Variants in GFOD1 observed in about 807,000 individuals in gnomAD.
GFOD1 encodes Gfo/Idh/MocA-like oxidoreductase domain containing 1.
In GFOD1, 9 loss-of-function variants were observed where a neutral mutation model predicts 25.4. That is an observed-to-expected ratio of 0.35 (90% CI 0.21 to 0.62). The LOEUF is 0.62. Ranked by LOEUF, GFOD1 falls within the 20% of genes least tolerant of loss-of-function variation. The pLI is 0.72. For synonymous variants in GFOD1, 253 were observed against 245.6 expected (o/e 1.03, Z -0.28); for missense variants, 403 against 556.9 (o/e 0.72, Z 2.78).
At chr6:13,421,052 C>T (rs1282433756) in intron 1 of GFOD1, among the ~76,000 whole-genome samples, 3 of 152,166 alleles carry the variant, frequency 2.0e-5, no homozygotes, top group Non-Finnish European at 4.4e-5. Flanking sequence ...CAGTGCCTGG[C>T]ACACAGTGAG....
At chr6:13,373,279 G>C (rs1232188027) in intron 1 of GFOD1, among the ~76,000 whole-genome samples, 1 of 152,198 alleles carries the variant, frequency 6.6e-6, no homozygotes, top group Non-Finnish European at 1.5e-5. Flanking sequence ...GGGAACGTTT[G>C]AGCTGGGTTC....
intron 1 of GFOD1, among the ~76,000 whole-genome samples, chr6:13,464,635 T>A (rs1366414360): frequency 6.6e-6 from 1 of 152,218 alleles, no homozygotes; most frequent in Non-Finnish European, 1.5e-5. Flanking sequence ...GAGATTAACA[T>A]TTATATCAGT....
In GFOD1 at chr6:13,368,824, A is replaced by T. The variant is rs139548907; in HGVS notation, c.254-3162T>A. ...CATGGAATTCTTTGCAGCTCCATAG[A>T]TAAAGAGATTTTGATGAAAGCTCCA... On this transcript the variant is annotated intron_variant, in intron 1 of 1. Transcript: ENST00000379287. Among the ~76,000 whole-genome samples, 550 of 152,346 alleles carry T rather than the reference A, an allele frequency of 3.6e-3. 6 individuals are homozygous for T. Among genetic ancestry groups the T allele is most frequent in the African/African-American group, 0.012 (510 of 41,580 alleles).
chr6:13,387,847 T>G (rs774443781), intron 1 of GFOD1, among the ~76,000 whole-genome samples: 15 of 152,242 alleles, frequency 9.9e-5, no homozygotes, highest in Non-Finnish European at 1.8e-4. Flanking sequence ...GCAGATGACA[T>G]GATTGTATAT....
At position 13,385,083 on chromosome 6, in the gene GFOD1, A is replaced by G. The variant is rs144456678; in HGVS notation, c.254-19421T>C. Among the ~76,000 whole-genome samples the G allele has an allele frequency of 2.3e-3, 345 of 152,256 alleles. 2 individuals are homozygous for G. The highest frequency in any genetic ancestry group is 7.8e-3 in the African/African-American group (326 of 41,552). The stretch of plus-strand genomic sequence containing the variant: ...GGGGTATCTCCCAGCTGTACCCTAC[A>G]ATGAGAGTTGCAGGCCTGTCTTCTG... On this transcript the variant is annotated intron_variant, in intron 1 of 1. Coordinates refer to ENST00000379287, the MANE Select transcript of GFOD1 (RefSeq NM_018988.4).
At chr6:13,366,787 A>G (rs1187311981) in intron 1 of GFOD1, among the ~76,000 whole-genome samples, 1 of 152,126 alleles carries the variant, frequency 6.6e-6, no homozygotes, top group Non-Finnish European at 1.5e-5. Flanking sequence ...TCCTGGTCCC[A>G]AAAGGCCATG....
At chr6:13,406,069 T>G (rs1019651190) in intron 1 of GFOD1, among the ~76,000 whole-genome samples, 12 of 152,182 alleles carry the variant, frequency 7.9e-5, no homozygotes, top group Admixed American at 7.9e-4. Flanking sequence ...ATTCAGGGAA[T>G]ATTATGTTCT....
intron 1 of GFOD1, among the ~76,000 whole-genome samples, chr6:13,381,723 G>A (rs1263258611): frequency 6.6e-6 from 1 of 152,122 alleles, no homozygotes; most frequent in Non-Finnish European, 1.5e-5. Context: ...AGAGGCCCAA[G>A]TGTGGCTTGC....
chr6:13,440,773 C>T (rs1018652063), intron 1 of GFOD1, among the ~76,000 whole-genome samples: 1 of 152,206 alleles, frequency 6.6e-6, no homozygotes, highest in Non-Finnish European at 1.5e-5. Context: ...TAGTTCACTT[C>T]AAGAAATGCA....
At chr6:13,425,162 G>A (rs1244960586) in intron 1 of GFOD1, among the ~76,000 whole-genome samples, 3 of 151,762 alleles carry the variant, frequency 2.0e-5, no homozygotes, top group Non-Finnish European at 4.4e-5. Context: ...GTCTCTCTCT[G>A]TTGCCCAGGC....
intron 1 of GFOD1, among the ~76,000 whole-genome samples, chr6:13,436,184 T>C (rs2127571184): frequency 6.6e-6 from 1 of 152,368 alleles, no homozygotes; most frequent in African/African-American, 2.4e-5. Context: ...GTGTATTACC[T>C]GAGCTAAAAG....
In GFOD1 at chr6:13,364,790, G is replaced by A. The variant is rs139444945; in HGVS notation, c.1126C>T (p.Leu376=). The A allele has an allele frequency of 3.7e-6, 6 of 1,613,812 alleles. No individual in the cohort carries two copies. Among genetic ancestry groups the A allele is most frequent in the Non-Finnish European group, 5.1e-6 (6 of 1,180,042 alleles). ...TEEPELSPAY[L]ISEAMRRSRM... is the part of the protein sequence containing the mutation. ...CTGCGGCGCATGGCCTCGCTGATCA[G>A]GTAGGCGGGGCTCAGCTCCGGCTCC... The change falls in exon 2 of 2, where the codon CTG becomes TTG. Residue 376 remains leucine, a synonymous_variant. Transcript: ENST00000379287. The surrounding 1 kb of genome is among the most constrained non-coding windows in gnomAD (Gnocchi z 4.1).
intron 1 of GFOD1, among the ~76,000 whole-genome samples, chr6:13,387,616 C>T (rs1268267679): frequency 1.3e-5 from 2 of 152,160 alleles, no homozygotes; most frequent in East Asian, 3.8e-4. Flanking sequence ...TGGAACGTAT[C>T]TCAAAATAAT....
At chr6:13,463,019 C>G (rs1160085757) in intron 1 of GFOD1, among the ~76,000 whole-genome samples, 1 of 152,248 alleles carries the variant, frequency 6.6e-6, no homozygotes, top group Non-Finnish European at 1.5e-5. Flanking sequence ...GAGCAGCTCT[C>G]TTTTCAAACT....
chr6:13,373,895 A>G (rs1351259644), intron 1 of GFOD1, among the ~76,000 whole-genome samples: 1 of 151,944 alleles, frequency 6.6e-6, no homozygotes, highest in Non-Finnish European at 1.5e-5. Flanking sequence ...AAAAGAGGCC[A>G]TTTGAAGAGA....
At position 13,424,332 on chromosome 6, in the gene GFOD1, A is replaced by G. The variant is rs1786313518; in HGVS notation, c.254-58670T>C. Among the ~76,000 whole-genome samples, 4 of 152,162 alleles carry G rather than the reference A, an allele frequency of 2.6e-5. No individual in the cohort carries two copies. The South Asian group carries it at 8.3e-4, about 32-fold the overall frequency. On this transcript the variant is annotated intron_variant, in intron 1 of 1. Transcript: ENST00000379287. The stretch of plus-strand genomic sequence containing the variant: ...GCTCATTTCTTTAACAGATTTGCCA[A>G]ACATTAGGAAGATGATGATGATGAT...
At chr6:13,471,385 AGGCAGAATTCCT>A (rs1269864492) in intron 1 of GFOD1, among the ~76,000 whole-genome samples, 3 of 152,094 alleles carry the variant, frequency 2.0e-5, no homozygotes, top group African/African-American at 7.2e-5. Flanking sequence ...CCATGAGCAA[AGGCAGAATTCCT>A]GCCCTGGCAT....
intron 1 of GFOD1, chr6:13,470,272 A>C: frequency 6.3e-7 from 1 of 1,592,032 alleles, no homozygotes; most frequent in South Asian, 1.1e-5. Flanking sequence ...CCCTCCTGGA[A>C]TCCCCCATGC....
intron 1 of GFOD1, among the ~76,000 whole-genome samples, chr6:13,374,647 T>C (rs751560605): frequency 1.3e-5 from 2 of 151,554 alleles, no homozygotes; most frequent in African/African-American, 4.9e-5. Context: ...ATTATACATA[T>C]TGCTGGGGTA....
Sources: gnomAD v4.1 joint callset for allele counts (sites outside exome capture counted in the v4.1 genomes callset) on GRCh38, gnomAD v4.1.1 for gene constraint, Gnocchi (gnomAD v3.1) non-coding constraint, MANE v1.5 for transcripts, NCBI Gene and HGNC (gene_info 2026-07-23, HGNC 2026-07-21) for gene names.